ADGRL4: variants seen among roughly 807,000 people sequenced by gnomAD.
ADGRL4 encodes the protein adhesion G protein-coupled receptor L4.
ADGRL4 carries 90 observed loss-of-function variants against 74.8 expected under a neutral mutation model. That is an observed-to-expected ratio of 1.20 (90% CI 1.02 to 1.43). The LOEUF (loss-of-function observed/expected upper bound fraction) is 1.43, where lower values mean the gene tolerates loss of function less well. Ranked by LOEUF, ADGRL4 falls within the 40% of genes most tolerant of loss-of-function variation. The pLI is 0.00. For synonymous variants in ADGRL4, 311 were observed against 279.2 expected, an observed-to-expected ratio of 1.11 and a Z score of -1.14; for missense variants, 881 against 814.3, an observed-to-expected ratio of 1.08 and a Z score of -1.00.
chr1:78,934,443 A>G (rs192775097), intron 7 of ADGRL4, among the ~76,000 whole-genome samples: 142 of 152,352 alleles, frequency 9.3e-4, no homozygotes, highest in Middle Eastern at 3.4e-3. Context: ...CCAAAACCAT[A>G]AAACTCCTAG....
chr1:78,999,839 T>TCTATCTATCTATCTACCTAC (rs1426981277), intron 2 of ADGRL4, among the ~76,000 whole-genome samples: 4 of 111,574 alleles, frequency 3.6e-5, no homozygotes, highest in African/African-American at 6.7e-5. Flanking sequence ...TATCTATCTA[T>TCTATCTATCTATCTACCTAC]CTACCTACCT....
chr1:78,988,233 A>G (rs923431615), intron 2 of ADGRL4, among the ~76,000 whole-genome samples: 1 of 151,882 alleles, frequency 6.6e-6, no homozygotes, highest in East Asian at 1.9e-4. Flanking sequence ...TTTGACAATT[A>G]ATTTGAAATG....
intron 12 of ADGRL4, among the ~76,000 whole-genome samples, chr1:78,900,518 C>G (rs1030199922): frequency 2.6e-5 from 4 of 152,078 alleles, no homozygotes; most frequent in Non-Finnish European, 5.9e-5. Context: ...GTGCCCCCAC[C>G]CAAATCTCAT....
In ADGRL4 at chr1:78,945,177, A is replaced by AAAAAAAAAAAATATAT. The variant is rs376405445; in HGVS notation, c.325+1096_325+1097insATATATTTTTTTTTTT. ...GAGACTCTGTCTCAAAAAAAAAAAA[A>AAAAAAAAAAAATATAT]ATATATATATATATATATATCTCAA... On this transcript the variant is annotated intron_variant, in intron 3 of 14. Coordinates refer to ENST00000370742, the MANE Select transcript of ADGRL4 (RefSeq NM_022159.4). Among the ~76,000 whole-genome samples, 297 of 127,848 alleles carry AAAAAAAAAAAATATAT rather than the reference A, an allele frequency of 2.3e-3. 3 individuals carry two copies. Among genetic ancestry groups the AAAAAAAAAAAATATAT allele is most frequent in the Non-Finnish European group, 3.7e-3 (226 of 61,538 alleles). The allele number at this position is 127,848 out of a possible 152,430, so 83.9% of individuals were successfully genotyped here. A position where few individuals can be genotyped will look rare whatever the true frequency, so the allele number is the denominator to read the frequency against.
At chr1:78,949,185 G>T (rs943740763) in intron 2 of ADGRL4, among the ~76,000 whole-genome samples, 4 of 152,008 alleles carry the variant, frequency 2.6e-5, no homozygotes, top group Non-Finnish European at 4.4e-5. Context: ...CTGAGGTATT[G>T]GTTGGAGTAC....
chr1:78,978,946 C>T (rs930331737), intron 2 of ADGRL4, among the ~76,000 whole-genome samples: 3 of 151,776 alleles, frequency 2.0e-5, no homozygotes, highest in African/African-American at 7.3e-5. Context: ...TATTTTTGGA[C>T]TGTGAATATT....
intron 12 of ADGRL4, among the ~76,000 whole-genome samples, chr1:78,898,804 C>G (rs1474028862): frequency 6.6e-6 from 1 of 151,976 alleles, no homozygotes; most frequent in African/African-American, 2.4e-5. Context: ...ACATGCAGTT[C>G]ATATATTTCA....
intron 3 of ADGRL4, among the ~76,000 whole-genome samples, chr1:78,943,121 G>T (rs1649526751): frequency 6.6e-6 from 1 of 151,854 alleles, no homozygotes. Context: ...AAGATAAAAT[G>T]TTCAATTATA....
chr1:78,889,973 G>A lies in ADGRL4; in HGVS notation c.*1181C>T. 3.6e-6 allele frequency: 1 copy of A among 281,184 alleles called. No homozygotes were observed. The highest frequency in any genetic ancestry group is 5.2e-5 in the Admixed American group (1 of 19,066). The allele number at this position is 281,184 out of a possible 1,614,324, so 17.4% of individuals were successfully genotyped here. On this transcript the variant is annotated 3_prime_UTR_variant, in exon 15 of 15. Coordinates refer to ENST00000370742, the MANE Select transcript of ADGRL4 (RefSeq NM_022159.4). ...CAGATAGAAGCTATATATTTAAGCA[G>A]ATATGATTTAATAGATAGTAGAAAA...
intron 13 of ADGRL4, 53 bp downstream of exon 13, chr1:78,893,045 A>T (rs967521310): frequency 1.0e-6 from 1 of 994,624 alleles, no homozygotes; most frequent in Non-Finnish European, 1.5e-6. Context: ...GAGTTACTAA[A>T]GCTTTTAATT....
At chr1:78,978,396 G>A (rs1357790719) in intron 2 of ADGRL4, among the ~76,000 whole-genome samples, 2 of 151,888 alleles carry the variant, frequency 1.3e-5, no homozygotes, top group Non-Finnish European at 2.9e-5. Context: ...CATTGTAGAA[G>A]TGAAAGGCAT....
intron 2 of ADGRL4, among the ~76,000 whole-genome samples, chr1:78,977,071 G>A (rs978529926): frequency 6.6e-6 from 1 of 151,608 alleles, no homozygotes; most frequent in Non-Finnish European, 1.5e-5. Flanking sequence ...CCATGACTAA[G>A]TTGGGTTTAT....
chr1:78,930,774 G>A lies in ADGRL4; in HGVS notation c.878-3683C>T, dbSNP rs200031897. Among the ~76,000 whole-genome samples, 7 of 151,378 alleles carry A rather than the reference G, an allele frequency of 4.6e-5. No individual in the cohort carries two copies. In the East Asian group the frequency reaches 5.8e-4, roughly 13 times the overall value. ...TGGAAAAGCTGATTTCTTTTTAGAA[G>A]AATCAGCTTTTAGCGGTTCTGTACT... On this transcript the variant is annotated intron_variant, in intron 7 of 14. Transcript: ENST00000370742.
chr1:78,927,641 G>C (rs187359979), intron 7 of ADGRL4, among the ~76,000 whole-genome samples: 1 of 152,088 alleles, frequency 6.6e-6, no homozygotes, highest in African/African-American at 2.4e-5. Context: ...TTGAGAGATG[G>C]CCATTTATCC....
At chr1:78,925,985 A>G (rs1270012845) in intron 8 of ADGRL4, among the ~76,000 whole-genome samples, 2 of 151,982 alleles carry the variant, frequency 1.3e-5, no homozygotes, top group African/African-American at 4.8e-5. Flanking sequence ...TTTTCCCTCA[A>G]CATAGTGCTT....
At chr1:78,891,304 T>C in intron 14 of ADGRL4, 88 bp from the exon 15 acceptor site, 3 of 1,396,786 alleles carry the variant, frequency 2.1e-6, no homozygotes, top group Non-Finnish European at 2.0e-6. Context: ...TTGTTACATA[T>C]GGTTTTCTAA....
chr1:78,991,670 A>C (rs778216138), intron 2 of ADGRL4, among the ~76,000 whole-genome samples: 2 of 151,988 alleles, frequency 1.3e-5, no homozygotes, highest in Non-Finnish European at 2.9e-5. Context: ...TATGTGAGAA[A>C]TATAACTCCT....
intron 9 of ADGRL4, 96 bp from the exon 10 acceptor site, chr1:78,920,482 T>C (rs2100672024): frequency 1.4e-6 from 1 of 711,474 alleles, no homozygotes; most frequent in Non-Finnish European, 2.2e-6. Context: ...TGGTGAAACA[T>C]TAATCAAAAT....
intron 4 of ADGRL4, among the ~76,000 whole-genome samples, 168 bp from the exon 5 acceptor site, chr1:78,938,447 T>C (rs779454513): frequency 6.6e-6 from 1 of 152,102 alleles, no homozygotes; most frequent in Non-Finnish European, 1.5e-5. Flanking sequence ...GAAACCTGAA[T>C]TTATTTACAA....
Sources: gnomAD v4.1 joint callset for allele counts (sites outside exome capture counted in the v4.1 genomes callset) on GRCh38, gnomAD v4.1.1 for gene constraint, MANE v1.5 for transcripts, NCBI Gene and HGNC (gene_info 2026-07-23, HGNC 2026-07-21) for gene names.